CYTH3: variants seen among roughly 807,000 people sequenced by gnomAD.
CYTH3 encodes cytohesin-3.
A neutral mutation model predicts 55.1 loss-of-function variants in CYTH3; 23 were observed. The ratio of observed to expected loss-of-function variants is 0.42; its 90% CI spans 0.30 to 0.59. The LOEUF (loss-of-function observed/expected upper bound fraction) is 0.59, where lower values mean the gene tolerates loss of function less well. Ranked by LOEUF, CYTH3 falls within the 20% of genes least tolerant of loss-of-function variation. The pLI is 0.20. For synonymous variants in CYTH3, 249 were observed against 194.9 expected, an observed-to-expected ratio of 1.28 and a Z score of -2.31; for missense variants, 413 against 524.8, an observed-to-expected ratio of 0.79 and a Z score of 2.08.
chr7:6,240,292 CAAAAAAAAAAAA>C (rs60884841), intron 1 of CYTH3, among the ~76,000 whole-genome samples: 1 of 60,568 alleles, frequency 1.7e-5, no homozygotes, highest in South Asian at 6.3e-4. Context: ...GACTCCATCT[CAAAAAAAAAAAA>C]AAAAAAAAAG....
At chr7:6,259,742 TAATA>T (rs1351152680) in intron 1 of CYTH3, among the ~76,000 whole-genome samples, 1 of 39,988 alleles carries the variant, frequency 2.5e-5, no homozygotes, top group African/African-American at 1.3e-4. Flanking sequence ...TACATATATA[TAATA>T]TATATATATA....
chr7:6,187,800 T>A, intron 2 of CYTH3, 79 bp from the exon 3 acceptor site: 1 of 1,167,984 alleles, frequency 8.6e-7, no homozygotes. Context: ...TTAGTTCTCT[T>A]GTGACAAGCT....
intron 1 of CYTH3, among the ~76,000 whole-genome samples, chr7:6,219,026 A>C (rs1272882467): frequency 7.0e-6 from 1 of 142,998 alleles, no homozygotes; most frequent in African/African-American, 2.7e-5. Context: ...AAAAAAAAAA[A>C]ACTGCCACTG....
intron 1 of CYTH3, among the ~76,000 whole-genome samples, chr7:6,222,198 T>G (rs1299321076): frequency 1.3e-5 from 2 of 152,158 alleles, no homozygotes; most frequent in Admixed American, 1.3e-4. Flanking sequence ...AAGGTGCTAA[T>G]GAAAAAGCAG....
intron 1 of CYTH3, among the ~76,000 whole-genome samples, chr7:6,254,635 A>G (rs1780054939): frequency 6.6e-6 from 1 of 152,158 alleles, no homozygotes; most frequent in Admixed American, 6.6e-5. Context: ...TTTTTAGTAG[A>G]GACAGGCTTT....
chr7:6,229,780 G>T (rs983386253), intron 1 of CYTH3, among the ~76,000 whole-genome samples: 1 of 149,750 alleles, frequency 6.7e-6, no homozygotes, highest in African/African-American at 2.5e-5. Context: ...TCACACCACT[G>T]CACTCCAGCC....
intron 1 of CYTH3, among the ~76,000 whole-genome samples, chr7:6,259,789 ATATAT>A (rs1562417691): frequency 6.5e-3 from 104 of 15,958 alleles, no homozygotes; most frequent in Admixed American, 7.3e-3. Context: ...TATATAATAT[ATATAT>A]ATATATATAT....
chr7:6,236,249 G>C (rs1379939141), intron 1 of CYTH3, among the ~76,000 whole-genome samples: 1 of 151,982 alleles, frequency 6.6e-6, no homozygotes, highest in African/African-American at 2.4e-5. Flanking sequence ...TGTTGCCCAG[G>C]CTGGAGTACA....
intron 6 of CYTH3, among the ~76,000 whole-genome samples, chr7:6,172,339 C>G (rs888069970): frequency 1.3e-5 from 2 of 152,092 alleles, no homozygotes; most frequent in African/African-American, 4.8e-5. Context: ...TTCTTCTCCG[C>G]CAGGCCTGCA....
At chr7:6,199,036 G>T (rs1784002226) in intron 1 of CYTH3, among the ~76,000 whole-genome samples, 1 of 152,176 alleles carries the variant, frequency 6.6e-6, no homozygotes, top group African/African-American at 2.4e-5. Context: ...ATTCTTGATA[G>T]CAAATATAAA....
chr7:6,231,888 C>A (rs1352271608), intron 1 of CYTH3, among the ~76,000 whole-genome samples: 2 of 152,212 alleles, frequency 1.3e-5, no homozygotes, highest in Non-Finnish European at 2.9e-5. Flanking sequence ...CTAACACCAC[C>A]TGAATCTTCA....
chr7:6,181,336 G>A (rs1783497827), intron 4 of CYTH3, among the ~76,000 whole-genome samples: 1 of 152,162 alleles, frequency 6.6e-6, no homozygotes, highest in African/African-American at 2.4e-5. Flanking sequence ...CTAGACATCA[G>A]AGAAGCCCTT....
In CYTH3 at chr7:6,192,366, C is replaced by T. The variant is rs370320052; in HGVS notation, c.35-1835G>A. ...CCAAGTAGCTAGGATTACAGACATG[C>T]GCCACCATGTCTGGCTAATTTTTTT... is the stretch of plus-strand genomic sequence containing the variant. On this transcript the variant is annotated intron_variant, in intron 1 of 12. Transcript: ENST00000350796. 5.3e-5 allele frequency among the ~76,000 whole-genome samples: 8 copies of T among 151,648 alleles called. No individual in the cohort carries two copies. In the East Asian group the frequency reaches 7.8e-4, roughly 15 times the overall value.
chr7:6,264,519 G>A (rs1196293740), intron 1 of CYTH3, among the ~76,000 whole-genome samples: 2 of 152,150 alleles, frequency 1.3e-5, no homozygotes, highest in African/African-American at 4.8e-5. Context: ...GGCTGAGGCA[G>A]AAGAATCGCT....
At chr7:6,194,767 G>A (rs1783881321) in intron 1 of CYTH3, among the ~76,000 whole-genome samples, 1 of 152,196 alleles carries the variant, frequency 6.6e-6, no homozygotes, top group Non-Finnish European at 1.5e-5. Context: ...ATGACGTCAA[G>A]AGATCGAGAG....
intron 1 of CYTH3, among the ~76,000 whole-genome samples, 172 bp from the exon 2 acceptor site, chr7:6,190,703 C>T (rs1783780525): frequency 6.6e-6 from 1 of 152,084 alleles, no homozygotes; most frequent in Admixed American, 6.5e-5. Context: ...TCTTTATAAC[C>T]AGAAAACAGC....
At chr7:6,218,310 G>C (rs1311269321) in intron 1 of CYTH3, among the ~76,000 whole-genome samples, 1 of 152,218 alleles carries the variant, frequency 6.6e-6, no homozygotes, top group African/African-American at 2.4e-5. Context: ...CGTGATGACT[G>C]AAGCAGGATG....
chr7:6,236,841 G>A (rs1364009598), intron 1 of CYTH3, among the ~76,000 whole-genome samples: 2 of 152,210 alleles, frequency 1.3e-5, no homozygotes, highest in African/African-American at 4.8e-5. Context: ...GCGATTACAG[G>A]CGTGAGCCAC....
At chr7:6,192,587 G>A (rs1327153829) in intron 1 of CYTH3, among the ~76,000 whole-genome samples, 86 of 144,072 alleles carry the variant, frequency 6.0e-4, no homozygotes, top group Middle Eastern at 7.6e-3. Context: ...GCTGGAGTGC[G>A]GTGGCACGAT....
Sources: gnomAD v4.1 joint callset for allele counts (sites outside exome capture counted in the v4.1 genomes callset) on GRCh38, gnomAD v4.1.1 for gene constraint, MANE v1.5 for transcripts, NCBI Gene and HGNC (gene_info 2026-07-23, HGNC 2026-07-21) for gene names.